The following FBRSL1 variants were observed in gnomAD, a reference collection of about 807,000 sequenced individuals.
The protein encoded by FBRSL1 is fibrosin-1-like protein.
Under a neutral mutation model 89.6 loss-of-function variants are expected in FBRSL1, and 51 were observed. That is an observed-to-expected ratio of 0.57 (90% CI 0.45 to 0.72). The LOEUF (loss-of-function observed/expected upper bound fraction) is 0.72, where lower values mean the gene tolerates loss of function less well. Ranked by LOEUF, FBRSL1 falls within the 30% of genes least tolerant of loss-of-function variation. The pLI is 0.00. For missense variants in FBRSL1, 1,618 were observed against 1,451.8 expected, an observed-to-expected ratio of 1.11 and a Z score of -1.86; for synonymous variants, 779 against 681.1, an observed-to-expected ratio of 1.14 and a Z score of -2.24.
chr12:132,510,374 G>A, intron 2 of FBRSL1: 1 of 1,231,806 alleles, frequency 8.1e-7, no homozygotes, highest in Non-Finnish European at 1.0e-6. Flanking sequence ...GCCGGCCCCT[G>A]CGGTCCCGGT....
intron 2 of FBRSL1, among the ~76,000 whole-genome samples, chr12:132,518,958 C>T (rs1431645268): frequency 6.6e-6 from 1 of 152,144 alleles, no homozygotes; most frequent in Non-Finnish European, 1.5e-5. Flanking sequence ...CCCATGCACC[C>T]ATTCATCTAC....
intron 1 of FBRSL1, among the ~76,000 whole-genome samples, chr12:132,494,972 G>A (rs2031750472): frequency 6.6e-6 from 1 of 152,242 alleles, no homozygotes; most frequent in African/African-American, 2.4e-5. Context: ...CTGATCGTGT[G>A]CGGCCCCCGG....
intron 2 of FBRSL1, among the ~76,000 whole-genome samples, chr12:132,521,075 G>A (rs2035308993): frequency 6.6e-6 from 1 of 152,246 alleles, no homozygotes; most frequent in South Asian, 2.1e-4. Context: ...AACCTTGGTG[G>A]GTGGGGAACT....
intron 4 of FBRSL1, among the ~76,000 whole-genome samples, chr12:132,531,550 C>CGTGT (rs35736267): frequency 3.5e-4 from 53 of 150,538 alleles, no homozygotes; most frequent in Middle Eastern, 3.4e-3. Context: ...TCTGTGTGTG[C>CGTGT]GTGTGTGTGT....
At chr12:132,504,292 G>C (rs997881160) in intron 1 of FBRSL1, among the ~76,000 whole-genome samples, 1 of 152,170 alleles carries the variant, frequency 6.6e-6, no homozygotes, top group Non-Finnish European at 1.5e-5. Flanking sequence ...TTATCTCTCC[G>C]TGTCTGGTTC....
At chr12:132,505,783 C>T (rs1444222389) in intron 1 of FBRSL1, among the ~76,000 whole-genome samples, 1 of 152,226 alleles carries the variant, frequency 6.6e-6, no homozygotes, top group Non-Finnish European at 1.5e-5. Flanking sequence ...CCAGCCTTAC[C>T]CTGGAAAGCC....
In FBRSL1 at chr12:132,582,226, C is replaced by G. The variant is rs1393515499; in HGVS notation, c.2161C>G (p.His721Asp). Residue 721 changes from histidine to aspartate, a missense_variant, in exon 18 of 19, where the codon CAT becomes GAT. Physicochemically the swap from His to Asp is moderately conservative, Grantham distance 81 (BLOSUM62 -1). Transcript: ENST00000680143. ...GGAGCGGGTGTCAGCCCTGACCAAC[C>G]ATGACCGAGAGCCGGACAATGGCAA... ...DAERVSALTNHDREPDNGKEE... is the reference protein window; with the variant it reads ...DAERVSALTNDDREPDNGKEE... 10 of 1,550,260 alleles carry G rather than the reference C, an allele frequency of 6.5e-6. No individual in the cohort carries two copies. The highest frequency in any genetic ancestry group is 4.9e-5 in the East Asian group (2 of 40,918).
chr12:132,496,993 C>T lies in FBRSL1; in HGVS notation c.291+6132C>T, dbSNP rs1470024215. 2.6e-5 allele frequency among the ~76,000 whole-genome samples: 4 copies of T among 151,038 alleles called. No homozygotes were observed. The East Asian group carries it at 8.1e-4, about 31-fold the overall frequency. On this transcript the variant is annotated intron_variant, in intron 1 of 18. Transcript: ENST00000680143. Reference sequence around the variant, plus strand: ...GGCTGTCCGTGAACTCCGGACGTGGCCCTGGCGGGCCGTGTTGGTGGAGTC... The same window carrying T: ...GGCTGTCCGTGAACTCCGGACGTGGTCCTGGCGGGCCGTGTTGGTGGAGTC...
intron 2 of FBRSL1, among the ~76,000 whole-genome samples, chr12:132,513,626 G>A (rs747158955): frequency 6.6e-6 from 1 of 152,228 alleles, no homozygotes; most frequent in African/African-American, 2.4e-5. Context: ...TGCAGAAGGG[G>A]TTATGGGGAG....
chr12:132,508,082 G>C, intron 1 of FBRSL1, 71 bp from the exon 2 acceptor site: 1 of 1,423,092 alleles, frequency 7.0e-7, no homozygotes. Flanking sequence ...GAGCTGCTCA[G>C]GTGGGTGCTG....
chr12:132,507,538 AC>A, intron 1 of FBRSL1: 1 of 634,752 alleles, frequency 1.6e-6, no homozygotes, highest in Non-Finnish European at 2.0e-6. Flanking sequence ...ACGAGAGGGG[AC>A]CAGGGGAGGC....
rs2034217836 is a variant in FBRSL1, at chr12:132,510,560, C to T, written c.489+2210C>T. On this transcript the variant is annotated intron_variant, in intron 2 of 18. Coordinates refer to ENST00000680143, the MANE Select transcript of FBRSL1 (RefSeq NM_001367871.1). ...GCCCTTCGGGCTGGAGATGCTTTGCCGGACTAGCCTGAGGCCTTGTCTAGA... is the reference window on the plus strand; with the variant it reads ...GCCCTTCGGGCTGGAGATGCTTTGCTGGACTAGCCTGAGGCCTTGTCTAGA... 8 of 1,231,058 alleles carry T rather than the reference C, an allele frequency of 6.5e-6. No homozygotes were observed. In the South Asian group the frequency reaches 2.1e-4, roughly 33 times the overall value. 76.3% of individuals were successfully genotyped at this position (1,231,058 alleles called of 1,614,324 possible).
intron 9 of FBRSL1, 128 bp from the exon 10 acceptor site, chr12:132,572,160 C>G (rs2040067563): frequency 4.9e-6 from 4 of 810,216 alleles, no homozygotes; most frequent in Non-Finnish European, 7.8e-6. Flanking sequence ...GACGGCTGGC[C>G]GAAGCCGCCA....
intron 2 of FBRSL1, among the ~76,000 whole-genome samples, chr12:132,521,174 C>A (rs995729356): frequency 6.6e-6 from 1 of 152,230 alleles, no homozygotes; most frequent in African/African-American, 2.4e-5. Flanking sequence ...ACTGTTTGCA[C>A]TGGGCCAGGA....
At chr12:132,520,358 C>G (rs957477109) in intron 2 of FBRSL1, among the ~76,000 whole-genome samples, 3 of 152,170 alleles carry the variant, frequency 2.0e-5, no homozygotes, top group African/African-American at 7.2e-5. Context: ...CCATCTCTTT[C>G]TTTGCAGATG....
chr12:132,581,834 C>G lies in FBRSL1; in HGVS notation c.1996+10C>G, dbSNP rs370682945. On this transcript the variant is annotated intron_variant, in intron 17 of 18. Coordinates refer to ENST00000680143, the MANE Select transcript of FBRSL1 (RefSeq NM_001367871.1). Reference sequence around the variant, plus strand: ...GGCAGCCATGCACTGGGTGAGTGACCCAGCCTGTGCCCCCCTCCCCCGATG... The same window carrying G: ...GGCAGCCATGCACTGGGTGAGTGACGCAGCCTGTGCCCCCCTCCCCCGATG... 24 of 1,534,350 alleles carry G rather than the reference C, an allele frequency of 1.6e-5. No individual in the cohort carries two copies. Among genetic ancestry groups the G allele is most frequent in the Non-Finnish European group, 2.0e-5 (23 of 1,138,730 alleles).
intron 4 of FBRSL1, among the ~76,000 whole-genome samples, chr12:132,538,559 GGCTTGAGCCCCCACCGGGA>G (rs2036952687): frequency 6.6e-6 from 1 of 152,204 alleles, no homozygotes; most frequent in Non-Finnish European, 1.5e-5. Flanking sequence ...CTCTCCTGAG[GGCTTGAGCCCCCACCGGGA>G]GGCACCCTCG....
At chr12:132,541,857 C>G (rs1433724391) in intron 4 of FBRSL1, among the ~76,000 whole-genome samples, 1 of 152,258 alleles carries the variant, frequency 6.6e-6, no homozygotes, top group Non-Finnish European at 1.5e-5. Context: ...ACGGGGCCCA[C>G]AGCCACTCAT....
chr12:132,566,177 C>T (rs2039598714), intron 5 of FBRSL1: 1 of 152,038 alleles, frequency 6.6e-6, no homozygotes, highest in Non-Finnish European at 1.5e-5. Flanking sequence ...TGAGGGCTTC[C>T]TGGTCCATAG....
Sources: gnomAD v4.1 joint callset for allele counts (sites outside exome capture counted in the v4.1 genomes callset) on GRCh38, gnomAD v4.1.1 for gene constraint, MANE v1.5 for transcripts, NCBI Gene and HGNC (gene_info 2026-07-23, HGNC 2026-07-21) for gene names.